Variants in UBE2E2 observed in about 807,000 individuals in gnomAD.
The protein encoded by UBE2E2 is ubiquitin-conjugating enzyme E2 E2.
UBE2E2 carries 6 observed loss-of-function variants against 24.7 expected under a neutral mutation model. That is an observed-to-expected ratio of 0.24 (90% CI 0.13 to 0.48). UBE2E2 has a LOEUF of 0.48. Among genes scored for constraint, UBE2E2 ranks in the 20% least tolerant of loss-of-function variants. The pLI is 0.99. For missense variants in UBE2E2, 169 were observed against 245.0 expected (o/e 0.69, Z 2.07); for synonymous variants, 104 against 83.6 (o/e 1.24, Z -1.33).
In UBE2E2 at chr3:23,253,462, TAAAAC is replaced by T. The variant is rs543844165; in HGVS notation, c.227+36153_227+36157del. ...TGTTAGTAATCTAGGAAATGAGACT[TAAAAC>T]AAGAAATTGTACATAGTGCTGCTGA... On this transcript the variant is annotated intron_variant, in intron 3 of 5. Transcript: ENST00000396703. Among the ~76,000 whole-genome samples, 346 of 152,300 alleles carry T rather than the reference TAAAAC, an allele frequency of 2.3e-3. 3 individuals carry two copies. Among genetic ancestry groups the T allele is most frequent in the African/African-American group, 7.9e-3 (329 of 41,570 alleles).
chr3:23,370,916 G>A (rs1343694055), intron 3 of UBE2E2, among the ~76,000 whole-genome samples: 4 of 152,106 alleles, frequency 2.6e-5, no homozygotes, highest in South Asian at 4.1e-4. Flanking sequence ...GAAAAATGAG[G>A]CTGTTGCTTA....
At chr3:23,467,613 C>T (rs565157425) in intron 3 of UBE2E2, among the ~76,000 whole-genome samples, 1 of 152,062 alleles carries the variant, frequency 6.6e-6, no homozygotes, top group African/African-American at 2.4e-5. Flanking sequence ...GATGGTAGCT[C>T]TTAGTTTTGT....
intron 4 of UBE2E2, among the ~76,000 whole-genome samples, chr3:23,526,676 A>G (rs1326052746): frequency 2.0e-5 from 3 of 152,216 alleles, no homozygotes; most frequent in African/African-American, 7.2e-5. Context: ...CTTAGGGATC[A>G]AGATTTTGTT....
At chr3:23,415,920 G>T (rs1157539869) in intron 3 of UBE2E2, among the ~76,000 whole-genome samples, 1 of 151,788 alleles carries the variant, frequency 6.6e-6, no homozygotes, top group East Asian at 1.9e-4. Flanking sequence ...AGAGGCCCCA[G>T]TGTGTGATGT....
chr3:23,335,684 G>A (rs1262903954), intron 3 of UBE2E2, among the ~76,000 whole-genome samples: 1 of 152,038 alleles, frequency 6.6e-6, no homozygotes, highest in Non-Finnish European at 1.5e-5. Flanking sequence ...ACAGGCATAT[G>A]CCACCTCACC....
chr3:23,405,296 C>T (rs941036088), intron 3 of UBE2E2, among the ~76,000 whole-genome samples: 1 of 152,142 alleles, frequency 6.6e-6, no homozygotes, highest in Non-Finnish European at 1.5e-5. Flanking sequence ...GATACACCTG[C>T]CTCACTGATT....
intron 3 of UBE2E2, among the ~76,000 whole-genome samples, chr3:23,452,853 T>G (rs1471161209): frequency 6.6e-6 from 1 of 152,174 alleles, no homozygotes; most frequent in East Asian, 1.9e-4. Flanking sequence ...GACAAGTTCT[T>G]TTTATGCCGT....
intron 4 of UBE2E2, among the ~76,000 whole-genome samples, chr3:23,512,932 A>G (rs1420281606): frequency 6.6e-6 from 1 of 151,962 alleles, no homozygotes; most frequent in African/African-American, 2.4e-5. Flanking sequence ...ATACATACAT[A>G]CATACATGCA....
chr3:23,443,766 A>G (rs1460874021), intron 3 of UBE2E2, among the ~76,000 whole-genome samples: 1 of 152,190 alleles, frequency 6.6e-6, no homozygotes, highest in Non-Finnish European at 1.5e-5. Context: ...GCCCAGTATA[A>G]TACACCCCTT....
chr3:23,215,111 T>A (rs764014246), intron 2 of UBE2E2, among the ~76,000 whole-genome samples: 16 of 152,142 alleles, frequency 1.1e-4, no homozygotes, highest in Non-Finnish European at 1.9e-4. Flanking sequence ...TAAACTTCTG[T>A]TTCTTATTCC....
intron 4 of UBE2E2, among the ~76,000 whole-genome samples, chr3:23,515,120 G>GGTGT (rs58387270): frequency 7.0e-4 from 103 of 148,114 alleles, no homozygotes; most frequent in Non-Finnish European, 1.1e-3. Flanking sequence ...ATAAACTTGG[G>GGTGT]GTGTGTGTGT....
At chr3:23,443,341 G>A (rs935259409) in intron 3 of UBE2E2, among the ~76,000 whole-genome samples, 3 of 152,218 alleles carry the variant, frequency 2.0e-5, no homozygotes, top group Non-Finnish European at 4.4e-5. Flanking sequence ...ATCCCAAGAA[G>A]TAGAGTGAGA....
chr3:23,523,428 G>C (rs1694913480), intron 4 of UBE2E2, among the ~76,000 whole-genome samples: 1 of 152,146 alleles, frequency 6.6e-6, no homozygotes, highest in African/African-American at 2.4e-5. Flanking sequence ...AAGGTCTTTT[G>C]TTTTAAATCA....
chr3:23,332,066 G>A (rs756658774), intron 3 of UBE2E2, among the ~76,000 whole-genome samples: 4 of 152,112 alleles, frequency 2.6e-5, no homozygotes, highest in Non-Finnish European at 5.9e-5. Context: ...TTTAAAGTAT[G>A]TAAAGGAATA....
intron 3 of UBE2E2, chr3:23,449,803 C>A: frequency 2.2e-6 from 2 of 925,738 alleles, no homozygotes; most frequent in South Asian, 5.0e-5. Flanking sequence ...AATATCTCAA[C>A]GGGGAAAAGT....
intron 3 of UBE2E2, among the ~76,000 whole-genome samples, chr3:23,394,961 C>G (rs1697040985): frequency 6.6e-6 from 1 of 152,016 alleles, no homozygotes; most frequent in African/African-American, 2.4e-5. Flanking sequence ...CTGTGTGGAC[C>G]CTAGGAATAA....
intron 5 of UBE2E2, among the ~76,000 whole-genome samples, chr3:23,545,235 T>A (rs1695493687): frequency 6.6e-6 from 1 of 151,946 alleles, no homozygotes; most frequent in South Asian, 2.1e-4. Context: ...TGGGGGAGGG[T>A]CAGGTCTTTC....
chr3:23,458,104 A>G (rs75351662), intron 3 of UBE2E2, among the ~76,000 whole-genome samples: 4,478 of 152,238 alleles, frequency 0.029, 124 homozygotes, highest in East Asian at 0.14. Context: ...GGCTGTCAGC[A>G]TGGCTTCTTC....
chr3:23,231,489 C>T (rs1696972586), intron 3 of UBE2E2, among the ~76,000 whole-genome samples: 1 of 152,168 alleles, frequency 6.6e-6, no homozygotes, highest in Non-Finnish European at 1.5e-5. Context: ...CAATAGTCAA[C>T]ACAAGACTTC....
Sources: allele counts gnomAD v4.1 joint callset (sites outside exome capture counted in the v4.1 genomes callset), GRCh38; gene constraint gnomAD v4.1.1; transcripts MANE v1.5; gene names NCBI Gene and HGNC (gene_info 2026-07-23, HGNC 2026-07-21).